Variants in TOX2 observed in about 807,000 individuals in gnomAD.
TOX2 encodes TOX high mobility group box family member 2, also known as granulosa cell HMG box 1.
Under a neutral mutation model 47.4 loss-of-function variants are expected in TOX2, and 15 were observed. That is an observed-to-expected ratio of 0.32 (90% confidence interval 0.21 to 0.49). The LOEUF is 0.49. Among genes scored for constraint, TOX2 ranks in the 20% least tolerant of loss-of-function variants. TOX2 has a pLI of 0.99. For synonymous variants in TOX2, 290 were observed against 296.6 expected, an observed-to-expected ratio of 0.98 and a Z score of 0.23; for missense variants, 622 against 673.1, an observed-to-expected ratio of 0.92 and a Z score of 0.84.
intron 1 of TOX2, among the ~76,000 whole-genome samples, chr20:43,969,345 A>G (rs2069920231): frequency 1.3e-5 from 2 of 152,202 alleles, no homozygotes; most frequent in South Asian, 2.1e-4. Context: ...CACACAGTGT[A>G]TGCACTGCGG....
At chr20:44,024,054 T>C (rs2071020867) in intron 3 of TOX2, among the ~76,000 whole-genome samples, 1 of 152,210 alleles carries the variant, frequency 6.6e-6, no homozygotes, top group Non-Finnish European at 1.5e-5. Context: ...ATAAGATGAC[T>C]ATTACACTGA....
chr20:43,991,275 G>GGGA (rs57257920), intron 2 of TOX2, among the ~76,000 whole-genome samples: 28,443 of 151,996 alleles, frequency 0.19, 3,161 homozygotes, highest in African/African-American at 0.3. Flanking sequence ...GTCACTGAGC[G>GGGA]GGCTGCTTCA....
chr20:43,983,886 C>T (rs189783954), intron 2 of TOX2, among the ~76,000 whole-genome samples: 163 of 152,200 alleles, frequency 1.1e-3, no homozygotes, highest in Non-Finnish European at 2.1e-3. Context: ...TGAGGCTCTT[C>T]GAAACAAATA....
intron 1 of TOX2, among the ~76,000 whole-genome samples, chr20:43,943,300 C>T (rs910607934): frequency 2.8e-5 from 3 of 108,916 alleles, no homozygotes; most frequent in African/African-American, 7.6e-5. Context: ...CCTATAAACT[C>T]CCTCTCCTAC....
chr20:44,040,059 G>C (rs938160432), intron 3 of TOX2, among the ~76,000 whole-genome samples: 3 of 152,162 alleles, frequency 2.0e-5, no homozygotes, highest in African/African-American at 7.2e-5. Flanking sequence ...TTGGAGTAGG[G>C]GTCTCGTGAG....
At chr20:44,049,065 G>A (rs568109374) in intron 3 of TOX2, among the ~76,000 whole-genome samples, 19 of 152,256 alleles carry the variant, frequency 1.2e-4, no homozygotes, top group East Asian at 7.7e-4. Flanking sequence ...CCAAGATCGC[G>A]CCACTGCACT....
chr20:44,032,499 G>C (rs766910769), intron 3 of TOX2, among the ~76,000 whole-genome samples: 4 of 152,220 alleles, frequency 2.6e-5, no homozygotes, highest in Non-Finnish European at 5.9e-5. Flanking sequence ...AAGAGCAAGT[G>C]GGGGTGGATG....
intron 1 of TOX2, among the ~76,000 whole-genome samples, chr20:43,926,464 C>T (rs2069169322): frequency 6.6e-6 from 1 of 152,164 alleles, no homozygotes; most frequent in South Asian, 2.1e-4. Context: ...CACATAATCA[C>T]AATTGCATCT....
chr20:43,954,746 A>G (rs1434466709), intron 1 of TOX2, among the ~76,000 whole-genome samples: 4 of 152,158 alleles, frequency 2.6e-5, no homozygotes, highest in African/African-American at 7.2e-5. Context: ...TCTCTGTCAC[A>G]TTAAATGCTC....
intron 1 of TOX2, among the ~76,000 whole-genome samples, chr20:43,918,501 ACTT>A (rs1473570731): frequency 6.6e-6 from 1 of 152,144 alleles, no homozygotes; most frequent in African/African-American, 2.4e-5. Context: ...AGAGGCAACT[ACTT>A]ACCTGATTTC....
At chr20:44,068,073 C>T (rs1311895686) in intron 8 of TOX2, among the ~76,000 whole-genome samples, 1 of 152,134 alleles carries the variant, frequency 6.6e-6, no homozygotes, top group Non-Finnish European at 1.5e-5. Flanking sequence ...TGAGATTCTA[C>T]ATGGGTGGGT....
chr20:43,952,273 A>G (rs1167322414), intron 1 of TOX2, among the ~76,000 whole-genome samples: 1 of 152,026 alleles, frequency 6.6e-6, no homozygotes, highest in African/African-American at 2.4e-5. Context: ...TCCTAGTCTC[A>G]GCTATCTTCT....
At chr20:43,917,207 G>A (rs1289950903) in intron 1 of TOX2, among the ~76,000 whole-genome samples, 1 of 152,190 alleles carries the variant, frequency 6.6e-6, no homozygotes, top group Non-Finnish European at 1.5e-5. Flanking sequence ...TCATTTAGGG[G>A]CTAGAGGTCT....
At chr20:43,941,222 G>A (rs894098241) in intron 1 of TOX2, among the ~76,000 whole-genome samples, 3 of 152,032 alleles carry the variant, frequency 2.0e-5, no homozygotes, top group African/African-American at 7.2e-5. Flanking sequence ...CACCTGCACT[G>A]CATTTAAGAA....
intron 2 of TOX2, among the ~76,000 whole-genome samples, chr20:43,986,909 A>C (rs1281288235): frequency 6.6e-6 from 1 of 152,066 alleles, no homozygotes. Flanking sequence ...TTAAAAAATT[A>C]AATAATTAGC....
intron 5 of TOX2, among the ~76,000 whole-genome samples, chr20:44,055,334 G>C (rs907616297): frequency 6.6e-6 from 1 of 152,204 alleles, no homozygotes; most frequent in South Asian, 2.1e-4. Context: ...TCATGAGAGT[G>C]GAAAGAGCAG....
intron 1 of TOX2, among the ~76,000 whole-genome samples, chr20:43,969,827 A>G: frequency 6.6e-6 from 1 of 152,244 alleles, no homozygotes; most frequent in Non-Finnish European, 1.5e-5. Flanking sequence ...AGCAAGCTTT[A>G]CTACAGCACG....
chr20:43,939,101 C>T (rs2069367825), intron 1 of TOX2, among the ~76,000 whole-genome samples: 1 of 152,122 alleles, frequency 6.6e-6, no homozygotes, highest in Non-Finnish European at 1.5e-5. Flanking sequence ...CTCTTGGAGC[C>T]CCAGTGTCCT....
intron 3 of TOX2, among the ~76,000 whole-genome samples, chr20:44,025,268 G>A (rs942031125): frequency 6.6e-6 from 1 of 151,962 alleles, no homozygotes; most frequent in African/African-American, 2.4e-5. Context: ...CTGCCCCCAG[G>A]GGTGTTCTGG....
Sources: allele counts gnomAD v4.1 joint callset (sites outside exome capture counted in the v4.1 genomes callset), GRCh38; gene constraint gnomAD v4.1.1; transcripts MANE v1.5; gene names NCBI Gene and HGNC (gene_info 2026-07-23, HGNC 2026-07-21).